The following ARHGAP24 variants were observed in gnomAD, a reference collection of about 807,000 sequenced individuals.
ARHGAP24 encodes the protein Rho GTPase activating protein 24.
Under a neutral mutation model 76.4 loss-of-function variants are expected in ARHGAP24, and 50 were observed. That is an observed-to-expected ratio of 0.65 (90% confidence interval 0.52 to 0.83). The LOEUF (loss-of-function observed/expected upper bound fraction) is 0.83, where lower values mean the gene tolerates loss of function less well. Ranked by LOEUF, ARHGAP24 falls within the 40% of genes least tolerant of loss-of-function variation. The pLI is 0.00. For missense variants in ARHGAP24, 930 were observed against 914.2 expected (o/e 1.02, Z -0.22); for synonymous variants, 345 against 323.3 (o/e 1.07, Z -0.72).
chr4:85,777,660 T>C (rs1296174839), intron 3 of ARHGAP24, among the ~76,000 whole-genome samples: 5 of 152,190 alleles, frequency 3.3e-5, no homozygotes, highest in Non-Finnish European at 5.9e-5. Context: ...TGCAAACCCT[T>C]TGATTTTATT....
chr4:85,992,535 A>G (rs781731738), intron 8 of ARHGAP24, among the ~76,000 whole-genome samples: 25 of 152,282 alleles, frequency 1.6e-4, no homozygotes, highest in Non-Finnish European at 3.7e-4. Flanking sequence ...TAACATTCCA[A>G]TGATAGGAAA....
intron 2 of ARHGAP24, among the ~76,000 whole-genome samples, chr4:85,639,392 T>G (rs1319137575): frequency 6.6e-6 from 1 of 152,064 alleles, no homozygotes; most frequent in Non-Finnish European, 1.5e-5. Context: ...AAAAAATCAT[T>G]CAGGGGCTAT....
chr4:85,874,895 T>A (rs61028554), intron 3 of ARHGAP24, among the ~76,000 whole-genome samples: 77 of 108,646 alleles, frequency 7.1e-4, no homozygotes, highest in Non-Finnish European at 1.1e-3. Context: ...TAAATATATT[T>A]TATATAATTT....
chr4:85,815,926 G>A (rs1729217612), intron 3 of ARHGAP24, among the ~76,000 whole-genome samples: 1 of 152,156 alleles, frequency 6.6e-6, no homozygotes, highest in Admixed American at 6.6e-5. Context: ...CATGGTGGAA[G>A]GTGAAAGGCA....
chr4:85,655,792 T>TAGAG (rs1248907720), intron 2 of ARHGAP24, among the ~76,000 whole-genome samples: 10 of 37,702 alleles, frequency 2.7e-4, no homozygotes, highest in South Asian at 2.1e-3. Context: ...TATATATATA[T>TAGAG]AGAGAGAGAG....
At chr4:85,550,811 G>T (rs1027384131) in intron 1 of ARHGAP24, among the ~76,000 whole-genome samples, 1 of 152,046 alleles carries the variant, frequency 6.6e-6, no homozygotes, top group Non-Finnish European at 1.5e-5. Flanking sequence ...TTTTGTGGCT[G>T]TTGTAAATGG....
chr4:85,642,182 G>A (rs1028937831), intron 2 of ARHGAP24, among the ~76,000 whole-genome samples: 29 of 152,130 alleles, frequency 1.9e-4, no homozygotes, highest in African/African-American at 6.8e-4. Flanking sequence ...GAAAGAAAAA[G>A]AGCAGGTTAA....
intron 5 of ARHGAP24, among the ~76,000 whole-genome samples, chr4:85,948,955 A>AC (rs1169104455): frequency 1.3e-5 from 2 of 152,158 alleles, no homozygotes; most frequent in African/African-American, 2.4e-5. Flanking sequence ...TTTTTAGGTC[A>AC]CGTTGCTCTT....
intron 8 of ARHGAP24, among the ~76,000 whole-genome samples, chr4:85,993,134 A>G (rs1484478998): frequency 6.6e-6 from 1 of 152,124 alleles, no homozygotes; most frequent in Non-Finnish European, 1.5e-5. Context: ...TGCATCTACT[A>G]CAGTGTTTCT....
At chr4:85,853,137 C>T (rs1731334449) in intron 3 of ARHGAP24, among the ~76,000 whole-genome samples, 1 of 152,198 alleles carries the variant, frequency 6.6e-6, no homozygotes, top group African/African-American at 2.4e-5. Context: ...CTGCCAAGTT[C>T]GAGCTTCCTG....
At chr4:85,737,058 A>C (rs1447830778) in intron 3 of ARHGAP24, among the ~76,000 whole-genome samples, 1 of 152,148 alleles carries the variant, frequency 6.6e-6, no homozygotes, top group South Asian at 2.1e-4. Context: ...AAGGTACTCA[A>C]TGGAAAAAGA....
At chr4:85,968,476 G>A (rs1443931379) in intron 5 of ARHGAP24, among the ~76,000 whole-genome samples, 4 of 152,116 alleles carry the variant, frequency 2.6e-5, no homozygotes, top group Admixed American at 2.0e-4. Context: ...TAATTAATTG[G>A]TTAAACATAT....
intron 3 of ARHGAP24, among the ~76,000 whole-genome samples, chr4:85,787,936 T>C (rs1320592891): frequency 1.3e-5 from 2 of 152,182 alleles, no homozygotes; most frequent in African/African-American, 4.8e-5. Context: ...TTTAGTGCCC[T>C]GCATAGTGCC....
chr4:85,482,862 C>G (rs753168170), intron 1 of ARHGAP24, among the ~76,000 whole-genome samples: 2 of 152,168 alleles, frequency 1.3e-5, no homozygotes, highest in African/African-American at 2.4e-5. Flanking sequence ...AATCACACAG[C>G]CACTATGTGG....
At chr4:85,736,000 T>G (rs757482081) in intron 3 of ARHGAP24, among the ~76,000 whole-genome samples, 6 of 152,196 alleles carry the variant, frequency 3.9e-5, no homozygotes, top group Non-Finnish European at 7.3e-5. Context: ...CACATTGACT[T>G]TCTTTGAGTT....
chr4:85,793,514 G>A (rs907413657), intron 3 of ARHGAP24, among the ~76,000 whole-genome samples: 1 of 152,058 alleles, frequency 6.6e-6, no homozygotes, highest in Non-Finnish European at 1.5e-5. Flanking sequence ...TCAAAGAATA[G>A]GATAATCCTG....
chr4:85,918,432 A>G (rs1334620027), intron 3 of ARHGAP24, among the ~76,000 whole-genome samples: 1 of 151,868 alleles, frequency 6.6e-6, no homozygotes, highest in East Asian at 1.9e-4. Flanking sequence ...ATTAAGAATT[A>G]TTTTCAAATG....
chr4:85,636,364 T>C (rs1721307797), intron 2 of ARHGAP24, among the ~76,000 whole-genome samples: 1 of 151,894 alleles, frequency 6.6e-6, no homozygotes, highest in Non-Finnish European at 1.5e-5. Context: ...ACCTTATGGG[T>C]GTTCTAGTTG....
intron 2 of ARHGAP24, among the ~76,000 whole-genome samples, chr4:85,575,714 T>G (rs1050445934): frequency 6.6e-6 from 1 of 152,216 alleles, no homozygotes; most frequent in African/African-American, 2.4e-5. Context: ...GCAGGTTTTG[T>G]TAAGTGAATC....
Sources: allele counts gnomAD v4.1 joint callset (sites outside exome capture counted in the v4.1 genomes callset), GRCh38; gene constraint gnomAD v4.1.1; transcripts MANE v1.5; gene names NCBI Gene and HGNC (gene_info 2026-07-23, HGNC 2026-07-21).